Variants in SORBS2 observed in about 807,000 individuals in gnomAD.
The protein encoded by SORBS2 is sorbin and SH3 domain-containing protein 2.
SORBS2 carries 46 observed loss-of-function variants against 97.7 expected under a neutral mutation model. That is an observed-to-expected ratio of 0.47 (90% CI 0.37 to 0.60). The LOEUF (loss-of-function observed/expected upper bound fraction) is 0.60, where lower values mean the gene tolerates loss of function less well. Among genes scored for constraint, SORBS2 ranks in the 20% least tolerant of loss-of-function variants. The pLI, the probability that SORBS2 is intolerant of heterozygous loss-of-function variation, is 0.00. For synonymous variants in SORBS2, 476 were observed against 473.4 expected (o/e 1.01, Z -0.07); for missense variants, 1,316 against 1,282.3 (o/e 1.03, Z -0.40).
chr4:185,900,746 C>G (rs376841483), intron 1 of SORBS2, among the ~76,000 whole-genome samples: 1 of 151,726 alleles, frequency 6.6e-6, no homozygotes, highest in South Asian at 2.1e-4. Context: ...TGTATTTGTA[C>G]GTATGAGTGG....
At chr4:185,688,099 C>A (rs1443757922) in intron 2 of SORBS2, among the ~76,000 whole-genome samples, 1 of 152,138 alleles carries the variant, frequency 6.6e-6, no homozygotes, top group African/African-American at 2.4e-5. Context: ...CTCCTTTCTT[C>A]AATAGCTAAG....
At chr4:185,867,168 C>T (rs147317605) in intron 1 of SORBS2, among the ~76,000 whole-genome samples, 1 of 152,048 alleles carries the variant, frequency 6.6e-6, no homozygotes, top group Non-Finnish European at 1.5e-5. Context: ...TGCACCACCA[C>T]ACTCGGCTAA....
intron 1 of SORBS2, among the ~76,000 whole-genome samples, chr4:185,946,898 T>C (rs1256553299): frequency 6.6e-6 from 1 of 152,230 alleles, no homozygotes; most frequent in African/African-American, 2.4e-5. Flanking sequence ...CCAGAAATCA[T>C]CTTTCATCCC....
intron 4 of SORBS2, among the ~76,000 whole-genome samples, chr4:185,631,788 AAAAAAC>A (rs370302360): frequency 0.1 from 7,755 of 75,102 alleles, 668 homozygotes; most frequent in African/African-American, 0.28. Context: ...AAAAACAACA[AAAAAAC>A]AAAACAAAAC....
intron 1 of SORBS2, among the ~76,000 whole-genome samples, chr4:185,916,408 C>T (rs150770115): frequency 2.9e-4 from 44 of 152,320 alleles, no homozygotes; most frequent in African/African-American, 4.6e-4. Flanking sequence ...GTGCCTGTCA[C>T]GCCCACAGTT....
chr4:185,922,502 C>A (rs146553935), intron 1 of SORBS2, among the ~76,000 whole-genome samples: 80 of 152,332 alleles, frequency 5.3e-4, no homozygotes, highest in Admixed American at 1.4e-3. Flanking sequence ...AGAAATGAAT[C>A]CTATTTCAGG....
intron 2 of SORBS2, among the ~76,000 whole-genome samples, chr4:185,728,064 C>T (rs553299111): frequency 2.6e-5 from 4 of 152,196 alleles, no homozygotes; most frequent in African/African-American, 9.6e-5. Context: ...TTAGAATGTT[C>T]AAAAACATAT....
At chr4:185,843,715 A>G (rs76441098) in intron 1 of SORBS2, among the ~76,000 whole-genome samples, 1 of 152,220 alleles carries the variant, frequency 6.6e-6, no homozygotes, top group African/African-American at 2.4e-5. Context: ...GACCTGAAAG[A>G]TGGAGAGATA....
intron 2 of SORBS2, among the ~76,000 whole-genome samples, chr4:185,722,534 A>C (rs2098523609): frequency 6.6e-6 from 1 of 152,212 alleles, no homozygotes; most frequent in Non-Finnish European, 1.5e-5. Context: ...GGCTTTGCAG[A>C]ATGGTACTCT....
chr4:185,760,092 G>T (rs1447487600), intron 2 of SORBS2, among the ~76,000 whole-genome samples: 1 of 152,178 alleles, frequency 6.6e-6, no homozygotes, highest in East Asian at 1.9e-4. Context: ...TTATACAACA[G>T]ATTCTCGTTC....
chr4:185,812,362 T>C (rs2099188163), intron 1 of SORBS2, 168 bp from the exon 1 acceptor site: 1 of 152,214 alleles, frequency 6.6e-6, no homozygotes, highest in Admixed American at 6.5e-5. Context: ...TTTCTTTTCA[T>C]CAAACTCATC....
At chr4:185,900,427 C>A (rs2099247109) in intron 1 of SORBS2, among the ~76,000 whole-genome samples, 1 of 152,098 alleles carries the variant, frequency 6.6e-6, no homozygotes, top group South Asian at 2.1e-4. Context: ...ATATGAAGAT[C>A]AAAGAAGCCA....
At chr4:185,774,749 C>G (rs2098991699) in intron 2 of SORBS2, 1 of 152,098 alleles carries the variant, frequency 6.6e-6, no homozygotes, top group Non-Finnish European at 1.5e-5. Flanking sequence ...TCCACACGAG[C>G]AATGAACGAA....
intron 1 of SORBS2, among the ~76,000 whole-genome samples, chr4:185,943,728 G>A (rs2150006791): frequency 6.6e-6 from 1 of 152,250 alleles, no homozygotes; most frequent in South Asian, 2.1e-4. Context: ...AAGACTAAAA[G>A]TGAAATGGAC....
In SORBS2 at chr4:185,717,895, G is replaced by A. The variant is rs761886030; in HGVS notation, c.-197-39073C>T. Among the ~76,000 whole-genome samples the A allele has an allele frequency of 7.2e-5, 11 of 152,278 alleles. 1 individual carries two copies. The South Asian group carries it at 8.3e-4, about 11-fold the overall frequency. The stretch of plus-strand genomic sequence containing the variant: ...CCTTGGTTTCTACAACTATAAAACC[G>A]AAATACGTTACAGTAAGCACTTGAT... On this transcript the variant is annotated intron_variant, in intron 2 of 20. Coordinates refer to the SORBS2 transcript ENST00000284776.
At chr4:185,698,727 T>C (rs4272056) in intron 2 of SORBS2, among the ~76,000 whole-genome samples, 54,824 of 152,044 alleles carry the variant, frequency 0.36, 11,765 homozygotes, top group South Asian at 0.51. Context: ...CTAAGACTAA[T>C]AGGAAAACAG....
At chr4:185,641,886 C>A (rs62336065) in intron 4 of SORBS2, among the ~76,000 whole-genome samples, 1 of 151,948 alleles carries the variant, frequency 6.6e-6, no homozygotes, top group Non-Finnish European at 1.5e-5. Flanking sequence ...TTAAAAGCTA[C>A]CAAGGGTGAA....
chr4:185,855,265 G>T (rs986434878), intron 1 of SORBS2, among the ~76,000 whole-genome samples: 1 of 152,138 alleles, frequency 6.6e-6, no homozygotes, highest in African/African-American at 2.4e-5. Context: ...TTGAAGCTGT[G>T]CATAGGGTAA....
rs1580811159 is a variant in SORBS2, at chr4:185,606,840, T to C, written c.2796+4940A>G. On this transcript the variant is annotated intron_variant, in intron 12 of 14. Transcript: ENST00000418609. This position sits in a 1 kb window ranked among gnomAD's most constrained non-coding sequence, Gnocchi z 4.3. ...CTTCCTCTCCAATGACCGGAAGGGG[T>C]ACAGGCAAGGAACCCACGCTGGTGC... is the stretch of plus-strand genomic sequence containing the variant. The C allele has an allele frequency of 1.0e-6, 1 of 985,158 alleles. No individual in the cohort carries two copies. The allele number at this position is 985,158 out of a possible 1,614,324, so 61.0% of individuals were successfully genotyped here. A position where few individuals can be genotyped will look rare whatever the true frequency, so the allele number is the denominator to read the frequency against.
Sources: allele counts gnomAD v4.1 joint callset (sites outside exome capture counted in the v4.1 genomes callset), GRCh38; gene constraint gnomAD v4.1.1; non-coding constraint Gnocchi (gnomAD v3.1); transcripts MANE v1.5; gene names NCBI Gene and HGNC (gene_info 2026-07-23, HGNC 2026-07-21).